The following CMTM2 variants were observed in gnomAD, a reference collection of about 807,000 sequenced individuals.
The protein encoded by CMTM2 is CKLF-like MARVEL transmembrane domain-containing protein 2.
CMTM2 carries 15 observed loss-of-function variants against 16.8 expected under a neutral mutation model. The ratio of observed to expected loss-of-function variants is 0.89; its 90% CI spans 0.60 to 1.37. The LOEUF (loss-of-function observed/expected upper bound fraction) is 1.37. Among genes scored for constraint, CMTM2 ranks in the 40% most tolerant of loss-of-function variants. The pLI is 0.00. For synonymous variants in CMTM2, 117 were observed against 118.7 expected (o/e 0.99, Z 0.09); for missense variants, 282 against 318.0 (o/e 0.89, Z 0.86).
At chr16:66,580,612 AT>A (rs1164231538) in intron 2 of CMTM2, 1 of 167,804 alleles carries the variant, frequency 6.0e-6, no homozygotes. Flanking sequence ...CAAAATGGGA[AT>A]TTTTTTTAAA....
Position 66,579,864 on chromosome 16 carries a change from G to A in CMTM2, c.257G>A (p.Gly86Glu). 2.5e-6 allele frequency: 4 copies of A among 1,613,948 alleles called. No individual in the cohort carries two copies. Among genetic ancestry groups the A allele is most frequent in the Non-Finnish European group, 3.4e-6 (4 of 1,179,986 alleles). Reference sequence around the variant, plus strand: ...AGCAATAAAGAGTTCTGGCTCTTGGGGCACGCTGAGATCAAGATTCGGAGT... The same window carrying A: ...AGCAATAAAGAGTTCTGGCTCTTGGAGCACGCTGAGATCAAGATTCGGAGT... Reference protein sequence around the residue: ...KDSNKEFWLLGHAEIKIRSLG... With the variant: ...KDSNKEFWLLEHAEIKIRSLG... Residue 86 changes from glycine (G) to glutamate (E), a missense_variant, in exon 1 of 4, where the codon GGG (glycine) becomes GAG (glutamate). By Grantham distance (98) the Gly-to-Glu change is moderately conservative. Coordinates refer to ENST00000268595, the MANE Select transcript of CMTM2 (RefSeq NM_144673.3). The surrounding 1 kb of genome is among the most constrained non-coding windows in gnomAD (Gnocchi z 6.5).
intron 2 of CMTM2, among the ~76,000 whole-genome samples, chr16:66,583,269 A>C (rs1368348119): frequency 1.3e-5 from 2 of 152,134 alleles, no homozygotes; most frequent in Non-Finnish European, 2.9e-5. Flanking sequence ...AGGTGGGTGG[A>C]CCACTTGAGG....
chr16:66,585,735 A>C (rs2014785215), intron 2 of CMTM2, among the ~76,000 whole-genome samples: 1 of 152,210 alleles, frequency 6.6e-6, no homozygotes, highest in Admixed American at 6.5e-5. Flanking sequence ...CATCTGTTAA[A>C]TGTCAGTGGC....
Position 66,588,002 on chromosome 16 carries a change from G to T in CMTM2, c.630G>T (p.Lys210Asn). 1.2e-6 allele frequency: 2 copies of T among 1,614,138 alleles called. No homozygotes were observed. The highest frequency in any genetic ancestry group is 2.7e-5 in the African/African-American group (2 of 75,060). Residue 210 changes from lysine (K) to asparagine (N), a missense_variant, in exon 4 of 4, where the codon AAG becomes AAT. By Grantham distance (94) the Lys-to-Asn change is moderately conservative. Coordinates refer to ENST00000268595, the MANE Select transcript of CMTM2 (RefSeq NM_144673.3). ...RNHFRGKKAK[K>N]HMLVPPPGKE... ...ACTTCAGAGGCAAGAAGGCCAAAAA[G>T]CATATGCTGGTTCCTCCTCCAGGAA...
intron 2 of CMTM2, among the ~76,000 whole-genome samples, chr16:66,585,591 C>T (rs138347485): frequency 3.7e-4 from 57 of 152,152 alleles, no homozygotes; most frequent in Non-Finnish European, 6.5e-4. Context: ...AACTGCACAT[C>T]AGCTTCCAAA....
In CMTM2 at chr16:66,587,374, G is replaced by A. The variant is rs530811570; in HGVS notation, c.546+276G>A. ...AAAAACACAAAATTTACAAAATTTAGTAGAAAATGTATTTTCTACTAAAAA... is the reference window on the plus strand; with the variant it reads ...AAAAACACAAAATTTACAAAATTTAATAGAAAATGTATTTTCTACTAAAAA... On this transcript the variant is annotated intron_variant, in intron 3 of 3. Transcript: ENST00000268595. 3.3e-5 allele frequency among the ~76,000 whole-genome samples: 5 copies of A among 152,164 alleles called. No individual in the cohort carries two copies. In the South Asian group the frequency reaches 1.0e-3, roughly 32 times the overall value.
In CMTM2 at chr16:66,580,165, T is replaced by C. The variant is rs1377636330; in HGVS notation, c.425T>C (p.Phe142Ser). 1 of 1,614,178 alleles carries C rather than the reference T, an allele frequency of 6.2e-7. No homozygotes were observed. Among genetic ancestry groups the C allele is most frequent in the Non-Finnish European group, 8.5e-7 (1 of 1,180,018 alleles). ...TTTGCCATTCATAGATACATACCCTTCATCCTGTGGCCCATTTCTGTAAGT... is the reference window on the plus strand; with the variant it reads ...TTTGCCATTCATAGATACATACCCTCCATCCTGTGGCCCATTTCTGTAAGT... ...YSFAIHRYIP[F>S]ILWPISDLFN... Residue 142 changes from phenylalanine (F) to serine (S), a missense_variant, in exon 2 of 4, where the codon TTC becomes TCC. By Grantham distance (155) the Phe-to-Ser change is radical (BLOSUM62 -2). Transcript: ENST00000268595.
At chr16:66,581,092 G>A (rs1371944743) in intron 2 of CMTM2, among the ~76,000 whole-genome samples, 2 of 151,976 alleles carry the variant, frequency 1.3e-5, no homozygotes, top group Non-Finnish European at 2.9e-5. Context: ...GCAGAAAAAA[G>A]CTTCAAACTT....
At chr16:66,582,736 C>G (rs2014749860) in intron 2 of CMTM2, among the ~76,000 whole-genome samples, 1 of 151,754 alleles carries the variant, frequency 6.6e-6, no homozygotes, top group Non-Finnish European at 1.5e-5. Flanking sequence ...AAGCCAGGCA[C>G]AGTGATGTGT....
At chr16:66,585,646 G>A (rs777712788) in intron 2 of CMTM2, among the ~76,000 whole-genome samples, 22 of 152,122 alleles carry the variant, frequency 1.4e-4, no homozygotes, top group Admixed American at 2.6e-4. Context: ...GGAAGGAAGC[G>A]AGGGGGCTGC....
Position 66,587,898 on chromosome 16 carries a change from G to A in CMTM2, c.547-21G>A, listed in dbSNP as rs2014813233. On this transcript the variant is annotated intron_variant, in intron 3 of 3. Coordinates refer to ENST00000268595, the MANE Select transcript of CMTM2 (RefSeq NM_144673.3). The stretch of plus-strand genomic sequence containing the variant: ...CTTTGGAATGAAAAGCAAAAGTCAT[G>A]AGGACCGTTTTGTTTTCCAGATCCT... 1.9e-6 allele frequency: 3 copies of A among 1,613,022 alleles called. No homozygotes were observed. In the South Asian group the frequency reaches 3.3e-5, roughly 18 times the overall value.
chr16:66,587,639 C>T (rs2014809519), intron 3 of CMTM2, among the ~76,000 whole-genome samples: 2 of 152,164 alleles, frequency 1.3e-5, no homozygotes, highest in South Asian at 4.1e-4. Context: ...GGGGAGCCAG[C>T]CCAAGTTCCT....
intron 2 of CMTM2, among the ~76,000 whole-genome samples, chr16:66,584,397 A>G (rs1156630968): frequency 6.6e-6 from 1 of 152,120 alleles, no homozygotes; most frequent in Non-Finnish European, 1.5e-5. Flanking sequence ...ACACACACAC[A>G]TGCACACACA....
At position 66,579,920 on chromosome 16, in the gene CMTM2, G is replaced by A; in HGVS notation, c.285+28G>A. On this transcript the variant is annotated intron_variant, in intron 1 of 3. Transcript: ENST00000268595. This position sits in a 1 kb window ranked among gnomAD's most constrained non-coding sequence, Gnocchi z 6.5. The stretch of plus-strand genomic sequence containing the variant: ...GAGCTAAACTGGTATCCCTGGGTGG[G>A]GGGCCTTGGCCGAGGGTGGGGGGAA... 1 of 1,611,080 alleles carries A rather than the reference G, an allele frequency of 6.2e-7. No homozygotes were observed.
chr16:66,587,932 C>G lies in CMTM2; in HGVS notation c.560C>G (p.Ala187Gly). 6.2e-7 allele frequency: 1 copy of G among 1,614,090 alleles called. No individual in the cohort carries two copies. Among genetic ancestry groups the G allele is most frequent in the African/African-American group, 1.3e-5 (1 of 75,040 alleles). Residue 187 changes from alanine to glycine, a missense_variant, in exon 4 of 4, where the codon GCG becomes GGG. Coordinates refer to ENST00000268595, the MANE Select transcript of CMTM2 (RefSeq NM_144673.3). The part of the protein sequence containing the change: ...HYLLAVILIG[A>G]AGVFAFIDVC... ...TTTGTTTTCCAGATCCTTATTGGTG[C>G]GGCTGGAGTTTTTGCTTTTATCGAT...
At chr16:66,582,032 A>G (rs192081478) in intron 2 of CMTM2, among the ~76,000 whole-genome samples, 1 of 152,274 alleles carries the variant, frequency 6.6e-6, no homozygotes, top group African/African-American at 2.4e-5. Flanking sequence ...AAACTACTAA[A>G]CACCTGATTT....
intron 2 of CMTM2, among the ~76,000 whole-genome samples, chr16:66,585,363 C>A (rs1317864677): frequency 6.6e-6 from 1 of 152,092 alleles, no homozygotes; most frequent in Admixed American, 6.6e-5. Flanking sequence ...GTAGAAACAC[C>A]CTGTGTCTCA....
At chr16:66,587,742 T>G (rs1597193205) in intron 3 of CMTM2, among the ~76,000 whole-genome samples, 177 bp from the exon 4 acceptor site, 1 of 151,092 alleles carries the variant, frequency 6.6e-6, no homozygotes. Flanking sequence ...GACGGGGGAG[T>G]GGAGAAGGCA....
At position 66,588,178 on chromosome 16, in the gene CMTM2, C is replaced by A; in HGVS notation, c.*59C>A. On this transcript the variant is annotated 3_prime_UTR_variant, in exon 4 of 4. Transcript: ENST00000268595. The stretch of plus-strand genomic sequence containing the variant: ...TGTATTTTACAGCAATATGTTTCCA[C>A]TCTCTTCCTTGTCTTCTTTCTGGAA... The A allele has an allele frequency of 2.0e-6, 3 of 1,465,584 alleles. No homozygotes were observed. The highest frequency in any genetic ancestry group is 2.8e-6 in the Non-Finnish European group (3 of 1,057,550). The allele number at this position is 1,465,584 out of a possible 1,614,324, so 90.8% of individuals were successfully genotyped here. A position where few individuals can be genotyped will look rare whatever the true frequency, so the allele number is the denominator to read the frequency against.
Sources: gnomAD v4.1 joint callset for allele counts (sites outside exome capture counted in the v4.1 genomes callset) on GRCh38, gnomAD v4.1.1 for gene constraint, Gnocchi (gnomAD v3.1) non-coding constraint, MANE v1.5 for transcripts, NCBI Gene and HGNC (gene_info 2026-07-23, HGNC 2026-07-21) for gene names.